The following MYOZ3 variants were observed in gnomAD, a reference collection of about 807,000 sequenced individuals.
The protein encoded by MYOZ3 is myozenin 3, also known as myozenin-3.
MYOZ3 carries 19 observed loss-of-function variants against 26.5 expected under a neutral mutation model. That is an observed-to-expected ratio of 0.72 (90% CI 0.50 to 1.05). The LOEUF is 1.05. Among genes scored for constraint, MYOZ3 ranks in the 50% least tolerant of loss-of-function variants. The pLI is 0.00. For synonymous variants in MYOZ3, 135 were observed against 138.8 expected, an observed-to-expected ratio of 0.97 and a Z score of 0.19; for missense variants, 322 against 337.1, an observed-to-expected ratio of 0.96 and a Z score of 0.35.
intron 6 of MYOZ3, among the ~76,000 whole-genome samples, chr5:150,675,616 GC>G (rs1281970819): frequency 6.6e-6 from 1 of 152,138 alleles, no homozygotes; most frequent in Non-Finnish European, 1.5e-5. Context: ...CAGGTGATCG[GC>G]CCTCCTCGGC....
intron 2 of MYOZ3, among the ~76,000 whole-genome samples, chr5:150,665,016 G>C (rs1216363381): frequency 7.1e-6 from 1 of 141,134 alleles, no homozygotes; most frequent in Non-Finnish European, 1.5e-5. Flanking sequence ...TATGTTCTTT[G>C]GCTTTTTTTT....
At chr5:150,672,008 C>G (rs572695055) in intron 5 of MYOZ3, 100 bp downstream of exon 5, 4 of 1,425,760 alleles carry the variant, frequency 2.8e-6, no homozygotes, top group Non-Finnish European at 3.7e-6. Context: ...CTAGTCCGCC[C>G]CCTTCCCCAA....
intron 2 of MYOZ3, among the ~76,000 whole-genome samples, chr5:150,663,396 G>A (rs1758764327): frequency 6.6e-6 from 1 of 152,196 alleles, no homozygotes; most frequent in South Asian, 2.1e-4. Flanking sequence ...GGGTCTCACC[G>A]AGGCCTCTGG....
chr5:150,675,648 T>C (rs112796512), intron 6 of MYOZ3, among the ~76,000 whole-genome samples: 13,415 of 152,186 alleles, frequency 0.088, 1,837 homozygotes, highest in African/African-American at 0.29. Flanking sequence ...GTTGGGATTA[T>C]AGCCGTGAGC....
chr5:150,662,911 G>C, intron 1 of MYOZ3, 30 bp from the exon 2 acceptor site: 1 of 1,595,396 alleles, frequency 6.3e-7, no homozygotes, highest in African/African-American at 1.3e-5. Flanking sequence ...GAGGCAGCCT[G>C]GTCCATTTAT....
chr5:150,662,962 G>A lies in MYOZ3; in HGVS notation c.21G>A (p.Lys7=). ...ACAGGATGATCCCCAAGGAGCAGAA[G>A]GGGCCAGTGATGGCTGCCATGGGGG... MIPKEQ[K]GPVMAAMGDL... is the part of the protein sequence containing the mutation. Residue 7 remains lysine (K), a synonymous_variant, in exon 2 of 7, where the codon AAG becomes AAA. Transcript: ENST00000517768. 6.2e-7 allele frequency: 1 copy of A among 1,612,360 alleles called. No individual in the cohort carries two copies. Among genetic ancestry groups the A allele is most frequent in the Non-Finnish European group, 8.5e-7 (1 of 1,179,242 alleles).
chr5:150,670,671 A>T, intron 3 of MYOZ3, 33 bp downstream of exon 3: 1 of 1,582,726 alleles, frequency 6.3e-7, no homozygotes, highest in African/African-American at 1.3e-5. Context: ...CATGGGGAAA[A>T]TGAGGACCAC....
At chr5:150,675,935 T>C (rs1165418993) in intron 6 of MYOZ3, among the ~76,000 whole-genome samples, 1 of 152,342 alleles carries the variant, frequency 6.6e-6, no homozygotes, top group East Asian at 1.9e-4. Context: ...CAGCAGCATG[T>C]GTGAAACTTT....
At chr5:150,673,331 A>ATTG (rs996296223) in intron 6 of MYOZ3, 10 of 148,522 alleles carry the variant, frequency 6.7e-5, no homozygotes, top group East Asian at 3.9e-4. Flanking sequence ...AATAGCTATT[A>ATTG]TTGTTGTTGT....
rs978152905 is a variant in MYOZ3 at position 150,678,741 on chromosome 5, G to T, written c.*1866G>T. On this transcript the variant is annotated 3_prime_UTR_variant, in exon 7 of 7. Transcript: ENST00000517768. ...TTTATGGGTTTGTTGTGAACACAGT[G>T]CAGGGCACATTTATAATAAGAGCTC... is the stretch of plus-strand genomic sequence containing the variant. The T allele has an allele frequency of 1.3e-5, 2 of 152,286 alleles. No homozygotes were observed. The highest frequency in any genetic ancestry group is 2.9e-5 in the Non-Finnish European group (2 of 68,062). The allele number at this position is 152,286 out of a possible 1,614,324, so 9.4% of individuals were successfully genotyped here.
chr5:150,670,759 G>T, intron 3 of MYOZ3, 121 bp downstream of exon 3: 1 of 911,506 alleles, frequency 1.1e-6, no homozygotes, highest in Non-Finnish European at 1.6e-6. Context: ...TTAGGCTCCT[G>T]CCTTTCAGTG....
At position 150,671,420 on chromosome 5, in the gene MYOZ3, T is replaced by C. The variant is rs6887087; in HGVS notation, c.217-177T>C. 0.017 allele frequency: 10,650 copies of C among 640,978 alleles called. 808 individuals are homozygous for C. In the African/African-American group the frequency reaches 0.17, roughly 10 times the overall value. 39.7% of individuals were successfully genotyped at this position (640,978 alleles called of 1,614,324 possible). On this transcript the variant is annotated intron_variant, in intron 3 of 6. Coordinates refer to ENST00000517768, the MANE Select transcript of MYOZ3 (RefSeq NM_001122853.3). Reference sequence around the variant, plus strand: ...ACAATAGCAATTAACATATATCGAGTATTTCTCGGTCCCAGGCACTGGGTT... The same window carrying C: ...ACAATAGCAATTAACATATATCGAGCATTTCTCGGTCCCAGGCACTGGGTT...
At position 150,678,838 on chromosome 5, in the gene MYOZ3, G is replaced by C. The variant is rs1336353653; in HGVS notation, c.*1963G>C. 1 of 152,378 alleles carries C rather than the reference G, an allele frequency of 6.6e-6. No homozygotes were observed. The highest frequency in any genetic ancestry group is 2.4e-5 in the African/African-American group (1 of 41,442). 9.4% of individuals were successfully genotyped at this position (152,378 alleles called of 1,614,324 possible). A position where few individuals can be genotyped will look rare whatever the true frequency, so the allele number is the denominator to read the frequency against. On this transcript the variant is annotated 3_prime_UTR_variant, in exon 7 of 7. Coordinates refer to ENST00000517768, the MANE Select transcript of MYOZ3 (RefSeq NM_001122853.3). ...TGTTCTTGCACTGGATGCAGCATGA[G>C]AAGCTGGCTGCTAAGATGTCACTGG...
At position 150,678,655 on chromosome 5, in the gene MYOZ3, A is replaced by G. The variant is rs1759055536; in HGVS notation, c.*1780A>G. On this transcript the variant is annotated 3_prime_UTR_variant, in exon 7 of 7. Coordinates refer to ENST00000517768, the MANE Select transcript of MYOZ3 (RefSeq NM_001122853.3). ...CTAGCCGGATGAACTTGAGCAAGTCATTTCACATCTCCGAGCCTCTGTTTC... is the reference window on the plus strand; with the variant it reads ...CTAGCCGGATGAACTTGAGCAAGTCGTTTCACATCTCCGAGCCTCTGTTTC... 2 of 152,344 alleles carry G rather than the reference A, an allele frequency of 1.3e-5. No individual in the cohort carries two copies. Among genetic ancestry groups the G allele is most frequent in the African/African-American group, 4.8e-5 (2 of 41,428 alleles). The allele number at this position is 152,344 out of a possible 1,614,324, so 9.4% of individuals were successfully genotyped here.
At chr5:150,670,377 G>C in intron 2 of MYOZ3, 107 bp from the exon 3 acceptor site, 1 of 1,260,512 alleles carries the variant, frequency 7.9e-7, no homozygotes, top group South Asian at 2.1e-5. Flanking sequence ...CGGCAAGCTT[G>C]GTGAGAAACA....
intron 5 of MYOZ3, 147 bp from the exon 6 acceptor site, chr5:150,672,193 C>A: frequency 1.6e-6 from 2 of 1,224,136 alleles, no homozygotes; most frequent in Non-Finnish European, 2.3e-6. Flanking sequence ...TGTGCTGGAG[C>A]AACTGTGGCT....
rs758215148 is a variant in MYOZ3 at position 150,671,776 on chromosome 5, G to C, written c.292G>C (p.Glu98Gln). The C allele has an allele frequency of 6.2e-7, 1 of 1,613,268 alleles. No homozygotes were observed. Among genetic ancestry groups the C allele is most frequent in the South Asian group, 1.1e-5 (1 of 91,090 alleles). ...SGTVANANGP[E>Q]GPNYRSELHI... ...CCAGGTTGCCAATGCCAATGGCCCT[G>C]AGGGGCCGAACTACCGCTCGGAGCT... The change falls in exon 5 of 7, where the codon GAG (glutamate) becomes CAG (glutamine). Residue 98 changes from glutamate (E) to glutamine (Q), a missense_variant. Coordinates refer to ENST00000517768, the MANE Select transcript of MYOZ3 (RefSeq NM_001122853.3).
At chr5:150,670,349 A>G in intron 2 of MYOZ3, 135 bp from the exon 3 acceptor site, 1 of 1,018,748 alleles carries the variant, frequency 9.8e-7, no homozygotes, top group South Asian at 2.5e-5. Context: ...GATTTCAAAC[A>G]ATCATGACAC....
intron 6 of MYOZ3, among the ~76,000 whole-genome samples, chr5:150,674,338 T>A (rs1367024227): frequency 6.6e-6 from 1 of 152,208 alleles, no homozygotes; most frequent in African/African-American, 2.4e-5. Context: ...GCAAGGCACA[T>A]TCCCACCAGC....
Sources: allele counts gnomAD v4.1 joint callset (sites outside exome capture counted in the v4.1 genomes callset), GRCh38; gene constraint gnomAD v4.1.1; transcripts MANE v1.5; gene names NCBI Gene and HGNC (gene_info 2026-07-23, HGNC 2026-07-21).